RGS7: variants seen among roughly 807,000 people sequenced by gnomAD.
RGS7 encodes regulator of G protein signaling 7, also known as regulator of G-protein signaling 7.
A neutral mutation model predicts 81.1 loss-of-function variants in RGS7; 27 were observed. The ratio of observed to expected loss-of-function variants is 0.33; its 90% CI spans 0.25 to 0.46. RGS7 has a LOEUF of 0.46. Among genes scored for constraint, RGS7 ranks in the 20% least tolerant of loss-of-function variants. The pLI is 1.00. For missense variants in RGS7, 396 were observed against 607.4 expected (o/e 0.65, Z 3.66); for synonymous variants, 208 against 207.7 (o/e 1.00, Z -0.01).
intron 2 of RGS7, among the ~76,000 whole-genome samples, chr1:241,241,349 AC>A (rs1309416754): frequency 6.6e-6 from 1 of 151,920 alleles, no homozygotes; most frequent in African/African-American, 2.4e-5. Context: ...AAAAGTAATG[AC>A]AAAAACCACA....
intron 2 of RGS7, among the ~76,000 whole-genome samples, chr1:241,318,797 A>G (rs1028067124): frequency 8.5e-5 from 13 of 152,224 alleles, no homozygotes; most frequent in African/African-American, 1.4e-4. Context: ...TTTTCAATGT[A>G]GAGCTATTGT....
intron 6 of RGS7, among the ~76,000 whole-genome samples, chr1:240,908,222 T>G (rs1267644651): frequency 1.4e-5 from 2 of 138,488 alleles, no homozygotes; most frequent in African/African-American, 2.6e-5. Context: ...GGGGGAGGGA[T>G]AGCATTAGGA....
chr1:240,817,127 G>C (rs1402080544), intron 10 of RGS7, among the ~76,000 whole-genome samples: 1 of 152,210 alleles, frequency 6.6e-6, no homozygotes, highest in Admixed American at 6.5e-5. Flanking sequence ...TGCTTAGTAA[G>C]TATAAATAAA....
intron 9 of RGS7, among the ~76,000 whole-genome samples, chr1:240,864,892 C>T (rs1662944322): frequency 6.6e-6 from 1 of 152,116 alleles, no homozygotes. Flanking sequence ...CTGTGAGATT[C>T]ATAGATGTCA....
chr1:241,333,101 T>C (rs1361733124), intron 2 of RGS7, among the ~76,000 whole-genome samples: 4 of 152,236 alleles, frequency 2.6e-5, no homozygotes, highest in African/African-American at 9.6e-5. Flanking sequence ...GAAAAGCAGC[T>C]GTTGTAGTTT....
chr1:241,154,738 T>C (rs572910988), intron 2 of RGS7, among the ~76,000 whole-genome samples: 8 of 152,238 alleles, frequency 5.3e-5, no homozygotes, highest in African/African-American at 7.2e-5. Flanking sequence ...GGGAGACTTA[T>C]TGGATGACAA....
intron 9 of RGS7, among the ~76,000 whole-genome samples, chr1:240,863,154 C>T (rs534041474): frequency 6.6e-6 from 1 of 152,134 alleles, no homozygotes; most frequent in African/African-American, 2.4e-5. Context: ...ACTATGTCGC[C>T]CAGGCTTAAA....
intron 3 of RGS7, among the ~76,000 whole-genome samples, chr1:241,049,997 T>G (rs1435774268): frequency 1.3e-5 from 2 of 152,186 alleles, no homozygotes; most frequent in Non-Finnish European, 2.9e-5. Context: ...GGCCAAGACC[T>G]ACACTTTGTA....
chr1:241,109,717 G>A (rs1054522693), intron 2 of RGS7, among the ~76,000 whole-genome samples: 4 of 152,120 alleles, frequency 2.6e-5, no homozygotes, highest in African/African-American at 9.6e-5. Context: ...CAGCACTTTG[G>A]GAGGCTGAGG....
intron 9 of RGS7, among the ~76,000 whole-genome samples, chr1:240,845,543 C>T (rs562132800): frequency 3.3e-5 from 5 of 152,258 alleles, no homozygotes; most frequent in African/African-American, 1.2e-4. Context: ...TTTCAGTCAT[C>T]ATTAGGGATT....
chr1:241,166,365 T>C (rs1198440350), intron 2 of RGS7, among the ~76,000 whole-genome samples: 2 of 152,120 alleles, frequency 1.3e-5, no homozygotes, highest in Admixed American at 6.5e-5. Context: ...GAAGAGAATG[T>C]AATAAGATAA....
chr1:241,038,207 T>C (rs1376231807), intron 3 of RGS7, among the ~76,000 whole-genome samples: 2 of 152,216 alleles, frequency 1.3e-5, no homozygotes, highest in Non-Finnish European at 2.9e-5. Flanking sequence ...AAAATAAAGA[T>C]GTTCTTAGGA....
intron 3 of RGS7, among the ~76,000 whole-genome samples, chr1:241,089,053 CTCTCTCTCTCTATATATATA>C (rs1364753863): frequency 1.1e-4 from 6 of 53,194 alleles, no homozygotes; most frequent in Admixed American, 7.7e-4. Flanking sequence ...CTCTCTCTCT[CTCTCTCTCTCTATATATATA>C]TATATATATA....
chr1:241,326,829 G>C (rs1379639162), intron 2 of RGS7, among the ~76,000 whole-genome samples: 1 of 150,096 alleles, frequency 6.7e-6, no homozygotes, highest in Admixed American at 6.7e-5. Flanking sequence ...AGGATCACTT[G>C]AGCCCAGGAG....
intron 3 of RGS7, among the ~76,000 whole-genome samples, chr1:241,094,238 A>AACAC (rs149481776): frequency 0.047 from 6,469 of 136,400 alleles, 254 homozygotes; most frequent in African/African-American, 0.11. Context: ...GACATACATA[A>AACAC]ACACACACAC....
intron 3 of RGS7, among the ~76,000 whole-genome samples, chr1:241,008,538 CA>C (rs1403061908): frequency 6.6e-6 from 1 of 152,138 alleles, no homozygotes; most frequent in Non-Finnish European, 1.5e-5. Context: ...CTGAGTGACT[CA>C]ATGGGGCTTC....
chr1:241,013,112 G>T (rs2059048922), intron 3 of RGS7, among the ~76,000 whole-genome samples: 1 of 137,004 alleles, frequency 7.3e-6, no homozygotes, highest in African/African-American at 2.7e-5. Flanking sequence ...GCCCAGGCTG[G>T]AATGCAGTGG....
rs116426445 is a variant in RGS7 at position 241,166,638 on chromosome 1, T to C, written c.79-67876A>G. Reference sequence around the variant, plus strand: ...AAGTAATCAGAAGACTTCTGAGTTTTTGAAAGACTGTACTATCCAATAAAC... The same window carrying C: ...AAGTAATCAGAAGACTTCTGAGTTTCTGAAAGACTGTACTATCCAATAAAC... On this transcript the variant is annotated intron_variant, in intron 2 of 18. Coordinates refer to ENST00000440928, the MANE Select transcript of RGS7 (RefSeq NM_001364886.1). Among the ~76,000 whole-genome samples the C allele has an allele frequency of 2.9e-3, 436 of 152,322 alleles. 3 individuals carry two copies. The highest frequency in any genetic ancestry group is 0.01 in the African/African-American group (416 of 41,568).
chr1:241,285,784 C>T (rs998492444), intron 2 of RGS7, among the ~76,000 whole-genome samples: 4 of 152,176 alleles, frequency 2.6e-5, no homozygotes, highest in Admixed American at 1.3e-4. Context: ...GCTGGACTCC[C>T]GATTATTGTA....
Sources: allele counts gnomAD v4.1 joint callset (sites outside exome capture counted in the v4.1 genomes callset), GRCh38; gene constraint gnomAD v4.1.1; transcripts MANE v1.5; gene names NCBI Gene and HGNC (gene_info 2026-07-23, HGNC 2026-07-21).